CREB5: variants seen among roughly 807,000 people sequenced by gnomAD.
CREB5 encodes cAMP responsive element binding protein 5.
In CREB5, 19 loss-of-function variants were observed where a neutral mutation model predicts 57.1. That is an observed-to-expected ratio of 0.33 (90% CI 0.23 to 0.49). The LOEUF is 0.49. CREB5 is among the 20% of genes least tolerant of loss of function. The probability of loss-of-function intolerance (pLI) is 0.99; values close to 1 mark genes in which losing one functional copy is unlikely to be tolerated. For missense variants in CREB5, 579 were observed against 671.6 expected (o/e 0.86, Z 1.52); for synonymous variants, 238 against 238.3 (o/e 1.00, Z 0.01).
intron 5 of CREB5, among the ~76,000 whole-genome samples, chr7:28,708,911 T>C (rs1020582528): frequency 6.6e-6 from 1 of 152,208 alleles, no homozygotes; most frequent in African/African-American, 2.4e-5. Flanking sequence ...GGTGAATGAA[T>C]GCAAGCAGCA....
chr7:28,586,732 T>C (rs1243997971), intron 5 of CREB5, among the ~76,000 whole-genome samples: 1 of 152,236 alleles, frequency 6.6e-6, no homozygotes, highest in African/African-American at 2.4e-5. Context: ...TCTAATTTAA[T>C]AAGCCTTCTA....
At chr7:28,435,048 G>A (rs1310222813) in intron 1 of CREB5, among the ~76,000 whole-genome samples, 1 of 150,452 alleles carries the variant, frequency 6.6e-6, no homozygotes. Flanking sequence ...TCTAAAAGCA[G>A]AGGGATTCAA....
intron 1 of CREB5, among the ~76,000 whole-genome samples, chr7:28,379,354 T>C (rs1416407980): frequency 6.6e-6 from 1 of 152,222 alleles, no homozygotes; most frequent in Non-Finnish European, 1.5e-5. Flanking sequence ...TTCAATTTGT[T>C]TATCACAATA....
At chr7:28,802,905 G>A (rs117709879) in intron 7 of CREB5, among the ~76,000 whole-genome samples, 1,731 of 152,338 alleles carry the variant, frequency 0.011, 34 homozygotes, top group South Asian at 0.072. Flanking sequence ...AAAATTATAT[G>A]AAATTCAGAT....
At chr7:28,625,141 C>G (rs1262049668) in intron 5 of CREB5, among the ~76,000 whole-genome samples, 2 of 151,956 alleles carry the variant, frequency 1.3e-5, no homozygotes, top group African/African-American at 4.8e-5. Flanking sequence ...GGAAATGAGG[C>G]TTAGGGAAGT....
intron 1 of CREB5, among the ~76,000 whole-genome samples, chr7:28,391,610 A>T (rs1787217709): frequency 6.6e-6 from 1 of 152,224 alleles, no homozygotes; most frequent in Admixed American, 6.5e-5. Context: ...ATGGTCAATC[A>T]CTTGGCATCC....
intron 5 of CREB5, among the ~76,000 whole-genome samples, chr7:28,683,437 T>C (rs1800700789): frequency 6.6e-6 from 1 of 152,172 alleles, no homozygotes; most frequent in Non-Finnish European, 1.5e-5. Context: ...GAAATTGATT[T>C]CAATTCAGGC....
chr7:28,486,695 T>TATATATATATATATATATC (rs1282046289), intron 1 of CREB5, among the ~76,000 whole-genome samples: 1 of 132,590 alleles, frequency 7.5e-6, no homozygotes, highest in Non-Finnish European at 1.6e-5. Flanking sequence ...TATATATATG[T>TATATATATATATATATATC]TACTGTGTGG....
chr7:28,498,214 T>C (rs115543115), intron 3 of CREB5, among the ~76,000 whole-genome samples: 1,744 of 152,294 alleles, frequency 0.011, 22 homozygotes, highest in African/African-American at 0.039. Flanking sequence ...ACTTGTAATA[T>C]AGTAGCAACA....
chr7:28,755,309 T>G (rs1012901722), intron 7 of CREB5, among the ~76,000 whole-genome samples: 1 of 152,174 alleles, frequency 6.6e-6, no homozygotes, highest in African/African-American at 2.4e-5. Flanking sequence ...GAGAAGGGTA[T>G]TGGTGCCGTA....
intron 1 of CREB5, among the ~76,000 whole-genome samples, chr7:28,338,890 T>A (rs1241766162): frequency 1.3e-5 from 2 of 151,994 alleles, no homozygotes; most frequent in Non-Finnish European, 2.9e-5. Flanking sequence ...TTCTGCTTGA[T>A]CAGTTCTGCT....
At chr7:28,440,941 A>G (rs1474615589) in intron 1 of CREB5, among the ~76,000 whole-genome samples, 1 of 152,210 alleles carries the variant, frequency 6.6e-6, no homozygotes, top group Admixed American at 6.5e-5. Flanking sequence ...GGGATATATA[A>G]TGACTTTTGT....
intron 5 of CREB5, among the ~76,000 whole-genome samples, chr7:28,606,774 C>G (rs1212854356): frequency 1.3e-5 from 2 of 152,044 alleles, no homozygotes; most frequent in Non-Finnish European, 2.9e-5. Flanking sequence ...TATGATTTCT[C>G]TAGTTAGGCT....
chr7:28,316,429 AT>A (rs2127982868), intron 1 of CREB5, among the ~76,000 whole-genome samples: 1 of 152,298 alleles, frequency 6.6e-6, no homozygotes, highest in East Asian at 1.9e-4. Context: ...ATAGTTTATA[AT>A]TTAAATTGGG....
At chr7:28,582,530 T>G (rs1796159377) in intron 5 of CREB5, among the ~76,000 whole-genome samples, 1 of 152,212 alleles carries the variant, frequency 6.6e-6, no homozygotes, top group Non-Finnish European at 1.5e-5. Context: ...AAGCATTTGA[T>G]CCTTCATATT....
intron 5 of CREB5, among the ~76,000 whole-genome samples, chr7:28,638,647 A>G (rs536837257): frequency 1.3e-5 from 2 of 152,310 alleles, no homozygotes; most frequent in African/African-American, 4.8e-5. Flanking sequence ...ACGCCCGGTC[A>G]CATTCTGTTT....
chr7:28,663,898 G>A (rs1264876839), intron 5 of CREB5, among the ~76,000 whole-genome samples: 4 of 152,256 alleles, frequency 2.6e-5, no homozygotes, highest in Non-Finnish European at 4.4e-5. Flanking sequence ...GGGGGCCTTA[G>A]TAATTACTAT....
At chr7:28,772,882 G>T (rs1014647288) in intron 7 of CREB5, among the ~76,000 whole-genome samples, 5 of 152,088 alleles carry the variant, frequency 3.3e-5, no homozygotes, top group Admixed American at 1.3e-4. Flanking sequence ...TGACACTTGT[G>T]CACCAGCTCT....
chr7:28,378,361 G>A (rs2127995395), intron 1 of CREB5, among the ~76,000 whole-genome samples: 1 of 151,990 alleles, frequency 6.6e-6, no homozygotes, highest in South Asian at 2.1e-4. Context: ...GTTAATGGGT[G>A]CAGCACACCA....
Sources: allele counts gnomAD v4.1 joint callset (sites outside exome capture counted in the v4.1 genomes callset), GRCh38; gene constraint gnomAD v4.1.1; transcripts MANE v1.5; gene names NCBI Gene and HGNC (gene_info 2026-07-23, HGNC 2026-07-21).